ETV6: variants seen among roughly 807,000 people sequenced by gnomAD.
The protein encoded by ETV6 is ETS variant transcription factor 6, also known as transcription factor ETV6.
ETV6 carries 16 observed loss-of-function variants against 51.1 expected under a neutral mutation model. The ratio of observed to expected loss-of-function variants is 0.31; its 90% confidence interval spans 0.21 to 0.48. The LOEUF (loss-of-function observed/expected upper bound fraction) is 0.48, where lower values mean the gene tolerates loss of function less well. Among genes scored for constraint, ETV6 ranks in the 20% least tolerant of loss-of-function variants. The probability of loss-of-function intolerance (pLI) is 0.99; values close to 1 mark genes in which losing one functional copy is unlikely to be tolerated. For missense variants in ETV6, 458 were observed against 594.8 expected, an observed-to-expected ratio of 0.77 and a Z score of 2.39; for synonymous variants, 240 against 224.1, an observed-to-expected ratio of 1.07 and a Z score of -0.64.
intron 1 of ETV6, among the ~76,000 whole-genome samples, chr12:11,656,204 G>A (rs1863996651): frequency 6.6e-6 from 1 of 152,122 alleles, no homozygotes; most frequent in African/African-American, 2.4e-5. Context: ...CTACAAATGA[G>A]GAAACTGAAG....
At chr12:11,814,154 G>A (rs988116312) in intron 2 of ETV6, among the ~76,000 whole-genome samples, 2 of 152,090 alleles carry the variant, frequency 1.3e-5, no homozygotes, top group African/African-American at 4.8e-5. Flanking sequence ...TGACCCCAAA[G>A]TTCTGTAAAA....
At chr12:11,854,958 C>T (rs924799087) in intron 4 of ETV6, among the ~76,000 whole-genome samples, 3 of 151,934 alleles carry the variant, frequency 2.0e-5, no homozygotes, top group African/African-American at 7.3e-5. Context: ...AGGCCCTGGA[C>T]CTAGTTCCAG....
chr12:11,889,049 T>C (rs1386206464), intron 7 of ETV6, among the ~76,000 whole-genome samples: 1 of 152,042 alleles, frequency 6.6e-6, no homozygotes, highest in Non-Finnish European at 1.5e-5. Context: ...TTAATGCTTA[T>C]TGACAGCCTG....
Position 11,855,635 on chromosome 12 carries a change from A to G in ETV6, c.463+2074A>G, listed in dbSNP as rs529026901. ...TTGTTTTTCCTAATTAACACTTCAC[A>G]AAAGAGAGCCTGACTCCAGGCGATG... On this transcript the variant is annotated intron_variant, in intron 4 of 7. Transcript: ENST00000396373. Among the ~76,000 whole-genome samples the G allele has an allele frequency of 3.2e-3, 481 of 152,342 alleles. 2 individuals carry two copies. The highest frequency in any genetic ancestry group is 4.2e-3 in the Non-Finnish European group (287 of 68,032).
chr12:11,730,745 A>G (rs73288786), intron 1 of ETV6, among the ~76,000 whole-genome samples: 1 of 152,330 alleles, frequency 6.6e-6, no homozygotes, highest in African/African-American at 2.4e-5. Context: ...GGAGTGTACA[A>G]CAATCAACCC....
At chr12:11,831,485 A>G (rs1273568817) in intron 2 of ETV6, among the ~76,000 whole-genome samples, 2 of 152,238 alleles carry the variant, frequency 1.3e-5, no homozygotes, top group Non-Finnish European at 2.9e-5. Flanking sequence ...TTGGCCTCCC[A>G]AAGTGCTGGG....
At chr12:11,698,122 T>C (rs1217177657) in intron 1 of ETV6, among the ~76,000 whole-genome samples, 1 of 152,230 alleles carries the variant, frequency 6.6e-6, no homozygotes, top group East Asian at 1.9e-4. Flanking sequence ...CTCTTCTAAG[T>C]ATCTGTCCTT....
intron 6 of ETV6, 143 bp from the exon 7 acceptor site, chr12:11,885,783 T>G: frequency 1.6e-6 from 1 of 610,360 alleles, no homozygotes; most frequent in Non-Finnish European, 2.9e-6. Flanking sequence ...AGGCAGCCGA[T>G]TAGCAGGTAG....
intron 2 of ETV6, among the ~76,000 whole-genome samples, chr12:11,754,645 A>G (rs905893395): frequency 1.3e-5 from 2 of 152,250 alleles, no homozygotes; most frequent in Non-Finnish European, 2.9e-5. Context: ...ACTTTAAAGT[A>G]CTATGATTCT....
rs1336118194 is a variant in ETV6 at position 11,765,030 on chromosome 12, A to G, written c.163+12451A>G. Among the ~76,000 whole-genome samples, 5 of 152,310 alleles carry G rather than the reference A, an allele frequency of 3.3e-5. No homozygotes were observed. The East Asian group carries it at 5.8e-4, about 18-fold the overall frequency. On this transcript the variant is annotated intron_variant, in intron 2 of 7. Transcript: ENST00000396373. ...TGCCTAATCTCTTCACTTTAAGAAC[A>G]TGAAGAATAGTGTTGAGTTCCCCTT...
At chr12:11,733,238 C>G (rs754936199) in intron 1 of ETV6, among the ~76,000 whole-genome samples, 5 of 151,988 alleles carry the variant, frequency 3.3e-5, no homozygotes, top group Non-Finnish European at 7.4e-5. Context: ...GAAACCCTGT[C>G]TCTACTAAAA....
intron 1 of ETV6, among the ~76,000 whole-genome samples, chr12:11,750,512 C>G (rs935863872): frequency 6.6e-6 from 1 of 152,118 alleles, no homozygotes; most frequent in Non-Finnish European, 1.5e-5. Context: ...TTGTTTTTTT[C>G]TTGCACTCAT....
chr12:11,781,464 A>G (rs1238756747), intron 2 of ETV6, among the ~76,000 whole-genome samples: 1 of 152,232 alleles, frequency 6.6e-6, no homozygotes, highest in Non-Finnish European at 1.5e-5. Context: ...CATTAAGTCT[A>G]GAGACAGAAC....
intron 3 of ETV6, among the ~76,000 whole-genome samples, chr12:11,852,005 C>A (rs1420391469): frequency 6.6e-6 from 1 of 152,124 alleles, no homozygotes; most frequent in East Asian, 1.9e-4. Flanking sequence ...TAAAAAAAGT[C>A]GCTAAAATTA....
intron 1 of ETV6, among the ~76,000 whole-genome samples, chr12:11,750,513 T>G (rs544931390): frequency 6.6e-6 from 1 of 152,318 alleles, no homozygotes; most frequent in East Asian, 1.9e-4. Flanking sequence ...TGTTTTTTTC[T>G]TGCACTCATG....
chr12:11,825,879 C>T (rs889237218), intron 2 of ETV6, among the ~76,000 whole-genome samples: 11 of 149,652 alleles, frequency 7.4e-5, no homozygotes, highest in African/African-American at 2.2e-4. Context: ...ATTCTGTCAC[C>T]CAGGCTGGAG....
chr12:11,832,723 T>C (rs944746953), intron 2 of ETV6, among the ~76,000 whole-genome samples: 5 of 152,238 alleles, frequency 3.3e-5, no homozygotes, highest in Admixed American at 2.0e-4. Context: ...TTTCAGGATA[T>C]CAGGAAGGCG....
chr12:11,803,917 G>T, intron 2 of ETV6, among the ~76,000 whole-genome samples: 1 of 149,870 alleles, frequency 6.7e-6, no homozygotes, highest in Non-Finnish European at 1.5e-5. Flanking sequence ...AATATTATTA[G>T]TATCATCATC....
intron 1 of ETV6, among the ~76,000 whole-genome samples, chr12:11,670,538 C>G (rs1349752297): frequency 6.6e-6 from 1 of 152,178 alleles, no homozygotes; most frequent in Non-Finnish European, 1.5e-5. Context: ...TAGTGACATC[C>G]TGTTTGTAAC....
Sources: gnomAD v4.1 joint callset for allele counts (sites outside exome capture counted in the v4.1 genomes callset) on GRCh38, gnomAD v4.1.1 for gene constraint, MANE v1.5 for transcripts, NCBI Gene and HGNC (gene_info 2026-07-23, HGNC 2026-07-21) for gene names.